ANXA4: variants seen among roughly 807,000 people sequenced by gnomAD.
The protein encoded by ANXA4 is 35-beta calcimedin.
In ANXA4, 39 loss-of-function variants were observed where a neutral mutation model predicts 49.8. That is an observed-to-expected ratio of 0.78 (90% CI 0.61 to 1.02). ANXA4 has a LOEUF of 1.02. Ranked by LOEUF, ANXA4 falls within the 50% of genes least tolerant of loss-of-function variation. The probability of loss-of-function intolerance (pLI) is 0.00; values close to 1 mark genes in which losing one functional copy is unlikely to be tolerated. For missense variants in ANXA4, 360 were observed against 410.1 expected, an observed-to-expected ratio of 0.88 and a Z score of 1.05; for synonymous variants, 134 against 152.5, an observed-to-expected ratio of 0.88 and a Z score of 0.89.
At chr2:69,744,081 C>G (rs1305631211) in intron 1 of ANXA4, among the ~76,000 whole-genome samples, 1 of 152,116 alleles carries the variant, frequency 6.6e-6, no homozygotes, top group East Asian at 1.9e-4. Flanking sequence ...CAGGGAGTAC[C>G]TGAAGTTCCA....
intron 6 of ANXA4, chr2:69,810,325 C>A: frequency 2.5e-6 from 1 of 399,846 alleles, no homozygotes; most frequent in Non-Finnish European, 4.8e-6. Flanking sequence ...TGCCACTGCA[C>A]TCCAGACTCC....
intron 3 of ANXA4, among the ~76,000 whole-genome samples, chr2:69,802,227 TG>T (rs1409743059): frequency 1.3e-5 from 2 of 152,220 alleles, no homozygotes; most frequent in African/African-American, 4.8e-5. Flanking sequence ...GGCAAGACTC[TG>T]GGAAGACCAA....
chr2:69,661,221 CAAAA>C (rs201916139), intron 2 of ANXA4, among the ~76,000 whole-genome samples: 3 of 67,816 alleles, frequency 4.4e-5, no homozygotes, highest in South Asian at 4.7e-4. Context: ...AAGCTTCAGA[CAAAA>C]AAAAAAAAAA....
chr2:69,694,526 C>T (rs1344933296), intron 2 of ANXA4, among the ~76,000 whole-genome samples: 1 of 109,662 alleles, frequency 9.1e-6, no homozygotes, highest in East Asian at 3.6e-4. Context: ...CTCCCCCCTC[C>T]CCCCACCCCA....
upstream of ANXA4, among the ~76,000 whole-genome samples, chr2:69,740,680 C>CTTTTTTTTTTTTTTTTTTT (rs3077548): frequency 1.1e-4 from 8 of 75,780 alleles, no homozygotes; most frequent in East Asian, 7.8e-4. Flanking sequence ...CTTTCTTCCT[C>CTTTTTTTTTTTTTTTTTTT]TTTTTTTTTT....
At chr2:69,740,797 T>C (rs57407307), upstream of ANXA4, among the ~76,000 whole-genome samples, 691 of 141,906 alleles carry the variant, frequency 4.9e-3, 7 homozygotes, top group African/African-American at 0.016. Flanking sequence ...TTATCCCACC[T>C]CATCCGACTG....
At chr2:69,789,010 A>G (rs1050966581) in intron 3 of ANXA4, among the ~76,000 whole-genome samples, 2 of 152,040 alleles carry the variant, frequency 1.3e-5, no homozygotes, top group African/African-American at 2.4e-5. Context: ...AATTTAATAT[A>G]CTCATTATGG....
Position 69,688,488 on chromosome 2 carries a change from C to G in ANXA4, n.767-32286C>G, listed in dbSNP as rs906252097. Among the ~76,000 whole-genome samples, 6 of 152,296 alleles carry G rather than the reference C, an allele frequency of 3.9e-5. No homozygotes were observed. In the East Asian group the frequency reaches 9.6e-4, roughly 24 times the overall value. On this transcript the variant is annotated intron_variant and non_coding_transcript_variant, in intron 2 of 3. Coordinates refer to the ANXA4 transcript ENST00000418066. ...ATTTGCAGTTCTAAACGGTGATCTT[C>G]TAATTTTCTCATTGCTCCTTTAATT...
At chr2:69,691,627 C>G (rs1257767661) in intron 2 of ANXA4, among the ~76,000 whole-genome samples, 1 of 151,768 alleles carries the variant, frequency 6.6e-6, no homozygotes, top group African/African-American at 2.4e-5. Context: ...ATGCCTATAG[C>G]TTATTTCTTT....
At chr2:69,745,871 T>C (rs1207169610) in intron 1 of ANXA4, among the ~76,000 whole-genome samples, 2 of 152,118 alleles carry the variant, frequency 1.3e-5, no homozygotes, top group Non-Finnish European at 2.9e-5. Flanking sequence ...AATATGTGCA[T>C]ACTTCATAAA....
intron 3 of ANXA4, chr2:69,803,370 A>AC (rs1673302748): frequency 6.6e-6 from 1 of 152,144 alleles, no homozygotes; most frequent in East Asian, 1.9e-4. Flanking sequence ...CATTTCTGAA[A>AC]CCCATTCCAA....
At chr2:69,720,065 A>G (rs1669778162) in intron 2 of ANXA4, among the ~76,000 whole-genome samples, 1 of 152,150 alleles carries the variant, frequency 6.6e-6, no homozygotes, top group South Asian at 2.1e-4. Flanking sequence ...TTTGACTCTC[A>G]TTCAGATTAG....
chr2:69,759,537 C>T (rs1485211479), intron 1 of ANXA4, among the ~76,000 whole-genome samples: 1 of 152,162 alleles, frequency 6.6e-6, no homozygotes, highest in Non-Finnish European at 1.5e-5. Context: ...TTATTTTCAA[C>T]ACTGCAGTGA....
intron 12 of ANXA4, among the ~76,000 whole-genome samples, chr2:69,822,135 T>C (rs139055446): frequency 3.9e-4 from 59 of 152,032 alleles, no homozygotes; most frequent in Non-Finnish European, 7.1e-4. Context: ...CCGAGACAGG[T>C]GGATCACTTG....
chr2:69,690,429 G>A (rs1172702539), intron 2 of ANXA4, among the ~76,000 whole-genome samples: 5 of 151,964 alleles, frequency 3.3e-5, no homozygotes, highest in Admixed American at 1.3e-4. Flanking sequence ...AGTAGAGACG[G>A]TGTTTCACCA....
chr2:69,826,903 C>G lies in ANXA4; in HGVS notation c.*1388C>G, dbSNP rs1227449021. The G allele has an allele frequency of 5.3e-5, 8 of 151,270 alleles. No homozygotes were observed. The highest frequency in any genetic ancestry group is 6.6e-5 in the Admixed American group (1 of 15,194). 9.4% of individuals were successfully genotyped at this position (151,270 alleles called of 1,614,324 possible). A position where few individuals can be genotyped will look rare whatever the true frequency, so the allele number is the denominator to read the frequency against. ...AGCTATTTTTGAAGGACTTGTGTTA[C>G]TCAGTTTCTACAGGAATTACAAGAT... On this transcript the variant is annotated 3_prime_UTR_variant, in exon 13 of 13. Transcript: ENST00000394295.
intron 1 of ANXA4, among the ~76,000 whole-genome samples, chr2:69,758,488 G>A (rs1348600652): frequency 6.6e-6 from 1 of 152,212 alleles, no homozygotes; most frequent in African/African-American, 2.4e-5. Flanking sequence ...CGGAAGTGGT[G>A]GCACATGCCT....
At chr2:69,712,878 G>C (rs1678719068) in intron 2 of ANXA4, among the ~76,000 whole-genome samples, 1 of 152,190 alleles carries the variant, frequency 6.6e-6, no homozygotes, top group Non-Finnish European at 1.5e-5. Context: ...CACCAGGTTT[G>C]TGGACGCCTA....
intron 1 of ANXA4, among the ~76,000 whole-genome samples, chr2:69,773,767 G>A (rs1671841438): frequency 6.6e-6 from 1 of 151,430 alleles, no homozygotes; most frequent in Non-Finnish European, 1.5e-5. Context: ...GAGTATCTGG[G>A]ATTACAGGCG....
Sources: allele counts gnomAD v4.1 joint callset (sites outside exome capture counted in the v4.1 genomes callset), GRCh38; gene constraint gnomAD v4.1.1; transcripts MANE v1.5; gene names NCBI Gene and HGNC (gene_info 2026-07-23, HGNC 2026-07-21).